Variants in MCUB observed in about 807,000 individuals in gnomAD.
MCUB encodes the protein calcium uniporter regulatory subunit MCUb, mitochondrial.
MCUB carries 46 observed loss-of-function variants against 41.4 expected under a neutral mutation model. The observed-to-expected ratio is 1.11, with a 90% CI of 0.88 to 1.42. The LOEUF is 1.42. Ranked by LOEUF, MCUB falls within the 40% of genes most tolerant of loss-of-function variation. The pLI is 0.00. For synonymous variants in MCUB, 148 were observed against 148.2 expected, an observed-to-expected ratio of 1.00 and a Z score of 0.01; for missense variants, 403 against 404.9, an observed-to-expected ratio of 1.00 and a Z score of 0.04.
intron 4 of MCUB, among the ~76,000 whole-genome samples, chr4:109,666,327 T>A (rs541488259): frequency 1.3e-5 from 2 of 152,310 alleles, no homozygotes; most frequent in African/African-American, 4.8e-5. Flanking sequence ...AGGAACATGA[T>A]TGCTGGCACA....
chr4:109,655,751 G>C (rs1398749148), intron 1 of MCUB, among the ~76,000 whole-genome samples: 1 of 151,824 alleles, frequency 6.6e-6, no homozygotes. Flanking sequence ...GGCAGCAGGG[G>C]GTGTGTGTGT....
At chr4:109,653,091 G>A (rs1393477106) in intron 1 of MCUB, among the ~76,000 whole-genome samples, 1 of 152,144 alleles carries the variant, frequency 6.6e-6, no homozygotes, top group African/African-American at 2.4e-5. Context: ...ATAAAGAACG[G>A]TCAGGCTGGG....
chr4:109,579,072 G>A (rs1467546322), intron 1 of MCUB, among the ~76,000 whole-genome samples: 1 of 152,252 alleles, frequency 6.6e-6, no homozygotes, highest in East Asian at 1.9e-4. Flanking sequence ...ACAGGGCATT[G>A]GTTTTTCCCA....
At chr4:109,659,894 G>A (rs1277158432) in intron 2 of MCUB, among the ~76,000 whole-genome samples, 1 of 152,180 alleles carries the variant, frequency 6.6e-6, no homozygotes, top group Non-Finnish European at 1.5e-5. Context: ...CTGCGCTCAG[G>A]CAGTCCACCA....
At chr4:109,631,311 C>T (rs1303027686) in intron 1 of MCUB, among the ~76,000 whole-genome samples, 1 of 152,160 alleles carries the variant, frequency 6.6e-6, no homozygotes, top group Non-Finnish European at 1.5e-5. Flanking sequence ...TTACTCATCT[C>T]TCATGTTTTG....
intron 5 of MCUB, chr4:109,683,156 T>G (rs1328597452): frequency 6.5e-6 from 1 of 153,092 alleles, no homozygotes; most frequent in African/African-American, 2.4e-5. Context: ...AGCTGGAAAG[T>G]TGGTAATGGC....
chr4:109,663,633 T>G (rs945769993), intron 3 of MCUB, among the ~76,000 whole-genome samples: 1 of 152,124 alleles, frequency 6.6e-6, no homozygotes, highest in Non-Finnish European at 1.5e-5. Flanking sequence ...GTGGTGCTAT[T>G]TAGCTACTAA....
intron 1 of MCUB, among the ~76,000 whole-genome samples, chr4:109,605,507 C>A (rs745599324): frequency 6.6e-6 from 1 of 152,090 alleles, no homozygotes; most frequent in Non-Finnish European, 1.5e-5. Context: ...ATTCTATAGC[C>A]GTTGGATGAA....
At chr4:109,684,239 T>C (rs1561253201) in intron 5 of MCUB, among the ~76,000 whole-genome samples, 1 of 152,066 alleles carries the variant, frequency 6.6e-6, no homozygotes, top group Non-Finnish European at 1.5e-5. Flanking sequence ...ATTTTTTGTA[T>C]TTTTAGTAGA....
At chr4:109,678,221 G>A (rs4698746) in intron 4 of MCUB, among the ~76,000 whole-genome samples, 57,274 of 151,566 alleles carry the variant, frequency 0.38, 11,260 homozygotes, top group East Asian at 0.51. Flanking sequence ...ACTTCTTTCT[G>A]CACAGACACA....
At chr4:109,665,954 G>GA (rs950417865) in intron 4 of MCUB, among the ~76,000 whole-genome samples, 2 of 150,890 alleles carry the variant, frequency 1.3e-5, no homozygotes, top group African/African-American at 4.9e-5. Flanking sequence ...AGAGTGGGAG[G>GA]AAAAAAAGAA....
intron 1 of MCUB, among the ~76,000 whole-genome samples, chr4:109,601,816 G>A (rs953548257): frequency 6.6e-6 from 1 of 152,154 alleles, no homozygotes; most frequent in African/African-American, 2.4e-5. Flanking sequence ...CCTCCAAACT[G>A]TTCTCCTTAG....
At chr4:109,601,176 T>C (rs907889822) in intron 1 of MCUB, among the ~76,000 whole-genome samples, 1 of 152,200 alleles carries the variant, frequency 6.6e-6, no homozygotes, top group Non-Finnish European at 1.5e-5. Flanking sequence ...GTACATGAGA[T>C]ATTTTGATAC....
At chr4:109,612,865 G>T (rs1728043812) in intron 1 of MCUB, among the ~76,000 whole-genome samples, 1 of 152,180 alleles carries the variant, frequency 6.6e-6, no homozygotes, top group African/African-American at 2.4e-5. Context: ...CCAGCACTTT[G>T]GGAGGCCAAG....
At chr4:109,596,217 A>G (rs1727552091) in intron 1 of MCUB, among the ~76,000 whole-genome samples, 1 of 62,666 alleles carries the variant, frequency 1.6e-5, no homozygotes, top group South Asian at 5.9e-4. Flanking sequence ...ATGGAGCCCA[A>G]CTGCCTCCCA....
chr4:109,605,958 TTTTG>T (rs143489433), intron 1 of MCUB, among the ~76,000 whole-genome samples: 61 of 151,002 alleles, frequency 4.0e-4, no homozygotes, highest in East Asian at 7.8e-4. Context: ...GGGCCTGGGT[TTTTG>T]TTTGTTTGTT....
intron 1 of MCUB, among the ~76,000 whole-genome samples, chr4:109,583,808 C>T (rs1194782810): frequency 6.6e-6 from 1 of 152,156 alleles, no homozygotes; most frequent in African/African-American, 2.4e-5. Flanking sequence ...TTTTCTGCAT[C>T]TATTGAGATA....
intron 1 of MCUB, among the ~76,000 whole-genome samples, chr4:109,594,627 C>G (rs973309383): frequency 1.3e-5 from 2 of 151,778 alleles, no homozygotes; most frequent in African/African-American, 4.8e-5. Context: ...CCACTGCACT[C>G]CAGCCTGGGT....
At chr4:109,667,326 T>TAG (rs1729366266) in intron 4 of MCUB, among the ~76,000 whole-genome samples, 1 of 152,090 alleles carries the variant, frequency 6.6e-6, no homozygotes. Flanking sequence ...TTGTACCTTT[T>TAG]AGAGAATTAA....
Sources: gnomAD v4.1 joint callset for allele counts (sites outside exome capture counted in the v4.1 genomes callset) on GRCh38, gnomAD v4.1.1 for gene constraint, MANE v1.5 for transcripts, NCBI Gene and HGNC (gene_info 2026-07-23, HGNC 2026-07-21) for gene names.